The following ZDHHC3 variants were observed in gnomAD, a reference collection of about 807,000 sequenced individuals.
ZDHHC3 encodes palmitoyltransferase ZDHHC3.
Under a neutral mutation model 30.6 loss-of-function variants are expected in ZDHHC3, and 9 were observed. That is an observed-to-expected ratio of 0.29 (90% CI 0.18 to 0.51). ZDHHC3 has a LOEUF of 0.51. Ranked by LOEUF, ZDHHC3 falls within the 20% of genes least tolerant of loss-of-function variation. The pLI is 0.97. For synonymous variants in ZDHHC3, 136 were observed against 140.2 expected (o/e 0.97, Z 0.21); for missense variants, 246 against 384.2 (o/e 0.64, Z 3.01).
chr3:44,931,891 A>G (rs953085225), intron 5 of ZDHHC3, among the ~76,000 whole-genome samples: 7 of 152,184 alleles, frequency 4.6e-5, no homozygotes, highest in Admixed American at 4.6e-4. Context: ...CAGGCTTGTT[A>G]TAAGGGCGAA....
intron 3 of ZDHHC3, among the ~76,000 whole-genome samples, chr3:44,941,140 A>C (rs556318724): frequency 1.3e-5 from 2 of 152,338 alleles, no homozygotes; most frequent in South Asian, 4.1e-4. Flanking sequence ...GAGTTCAACT[A>C]CATCAGACTG....
At chr3:44,934,130 G>A (rs1701737126) in intron 3 of ZDHHC3, 146 bp from the exon 4 acceptor site, 13 of 767,898 alleles carry the variant, frequency 1.7e-5, no homozygotes, top group Non-Finnish European at 2.5e-5. Flanking sequence ...TGTGTGTCAC[G>A]TGGGGCTTGG....
chr3:44,926,537 T>TC lies in ZDHHC3; in HGVS notation c.*151dup. 1 of 1,257,636 alleles carries TC rather than the reference T, an allele frequency of 8.0e-7. No homozygotes were observed. Among genetic ancestry groups the TC allele is most frequent in the Non-Finnish European group, 1.0e-6 (1 of 998,106 alleles). The allele number at this position is 1,257,636 out of a possible 1,614,324, so 77.9% of individuals were successfully genotyped here. ...AATAAAATGTGGGGACTTTTTTTTT[T>TC]CTCTGCAATGCTCAGCCATTTTACT... On this transcript the variant is annotated 3_prime_UTR_variant, in exon 7 of 7. Coordinates refer to ENST00000424952, the MANE Select transcript of ZDHHC3 (RefSeq NM_001135179.2).
At chr3:44,947,693 T>A (rs1048463894) in intron 2 of ZDHHC3, among the ~76,000 whole-genome samples, 4 of 152,218 alleles carry the variant, frequency 2.6e-5, no homozygotes, top group Admixed American at 2.0e-4. Flanking sequence ...CCAGGGAGTA[T>A]GGCCCTGACT....
chr3:44,929,253 T>C, intron 6 of ZDHHC3, 53 bp downstream of exon 6: 3 of 1,601,966 alleles, frequency 1.9e-6, no homozygotes, highest in Non-Finnish European at 2.6e-6. Context: ...ACACTGACCC[T>C]GGGTCCTCCC....
chr3:44,963,088 C>T (rs1427739048), intron 1 of ZDHHC3, among the ~76,000 whole-genome samples: 1 of 152,168 alleles, frequency 6.6e-6, no homozygotes, highest in Non-Finnish European at 1.5e-5. Context: ...GCACTGTCTG[C>T]TTAGTTTCAG....
At chr3:44,951,691 C>G (rs1023876956) in intron 2 of ZDHHC3, among the ~76,000 whole-genome samples, 1 of 152,170 alleles carries the variant, frequency 6.6e-6, no homozygotes, top group Non-Finnish European at 1.5e-5. Context: ...AGCTAAGCTG[C>G]TTGAAGCCTT....
rs1482206670 is a variant in ZDHHC3 at position 44,919,260 on chromosome 3, C to T, written c.*7429G>A. ...ACATCACAATAATGAAACGTATCAA[C>T]ACCATATGCCTCCTGATACGGTGCA... is the stretch of plus-strand genomic sequence containing the variant. On this transcript the variant is annotated 3_prime_UTR_variant, in exon 7 of 7. Transcript: ENST00000424952. The T allele has an allele frequency of 3.3e-5, 9 of 271,524 alleles. No homozygotes were observed. Among genetic ancestry groups the T allele is most frequent in the Admixed American group, 6.5e-5 (1 of 15,396 alleles). 16.8% of individuals were successfully genotyped at this position (271,524 alleles called of 1,614,324 possible).
intron 3 of ZDHHC3, 81 bp downstream of exon 3, chr3:44,945,087 A>G (rs1702797032): frequency 6.3e-7 from 1 of 1,596,912 alleles, no homozygotes; most frequent in Non-Finnish European, 8.6e-7. Flanking sequence ...AGTGTGTGCT[A>G]CTCCAGGAGG....
intron 1 of ZDHHC3, among the ~76,000 whole-genome samples, chr3:44,966,879 G>T (rs1466160200): frequency 2.6e-5 from 4 of 152,186 alleles, no homozygotes; most frequent in African/African-American, 4.8e-5. Flanking sequence ...AAAGGTAAGG[G>T]TGTGGTATGA....
At chr3:44,966,914 A>G (rs1477489953) in intron 1 of ZDHHC3, among the ~76,000 whole-genome samples, 1 of 152,196 alleles carries the variant, frequency 6.6e-6, no homozygotes, top group Non-Finnish European at 1.5e-5. Context: ...AAGGTGCCTT[A>G]TCTTCTGCGG....
chr3:44,925,977 C>T lies in ZDHHC3; in HGVS notation c.*712G>A, dbSNP rs1229905950. ...TTGAACTGGAAAAACGTCTTTCCTA[C>T]ACACTCTTCCAAATAATCACAGGGA... On this transcript the variant is annotated 3_prime_UTR_variant, in exon 7 of 7. Transcript: ENST00000424952. The T allele has an allele frequency of 1.0e-6, 1 of 985,790 alleles. No individual in the cohort carries two copies. Among genetic ancestry groups the T allele is most frequent in the African/African-American group, 1.7e-5 (1 of 57,332 alleles). 61.1% of individuals were successfully genotyped at this position (985,790 alleles called of 1,614,324 possible). A position where few individuals can be genotyped will look rare whatever the true frequency, so the allele number is the denominator to read the frequency against.
chr3:44,932,810 C>T (rs2125825306), intron 5 of ZDHHC3: 1 of 1,111,436 alleles, frequency 9.0e-7, no homozygotes, highest in East Asian at 2.4e-5. Flanking sequence ...AGCATGGCTC[C>T]CACGCATTGG....
intron 1 of ZDHHC3, among the ~76,000 whole-genome samples, chr3:44,966,550 G>A (rs553547910): frequency 1.3e-5 from 2 of 152,270 alleles, no homozygotes; most frequent in South Asian, 4.2e-4. Flanking sequence ...AAATCGTACA[G>A]TCTTAAAAAT....
intron 1 of ZDHHC3, among the ~76,000 whole-genome samples, 152 bp downstream of exon 1, chr3:44,975,781 C>T (rs949986942): frequency 6.6e-6 from 1 of 151,146 alleles, no homozygotes; most frequent in African/African-American, 2.4e-5. Context: ...CTCACACACA[C>T]ACACACACAC....
At position 44,954,647 on chromosome 3, in the gene ZDHHC3, G is replaced by A. The variant is rs528507562; in HGVS notation, c.306+4484C>T. On this transcript the variant is annotated intron_variant, in intron 2 of 6. Coordinates refer to ENST00000424952, the MANE Select transcript of ZDHHC3 (RefSeq NM_001135179.2). ...GAAATAATTTATGAAGTTAATAAAC[G>A]ATAAGATCCAAAAAAGGAGGGGCAA... is the stretch of plus-strand genomic sequence containing the variant. Among the ~76,000 whole-genome samples, 13 of 152,194 alleles carry A rather than the reference G, an allele frequency of 8.5e-5. No homozygotes were observed. The South Asian group carries it at 2.7e-3, about 32-fold the overall frequency.
In ZDHHC3 at chr3:44,919,823, TG is replaced by T. The variant is rs1575747898; in HGVS notation, c.*6865del. On this transcript the variant is annotated 3_prime_UTR_variant, in exon 7 of 7. Coordinates refer to ENST00000424952, the MANE Select transcript of ZDHHC3 (RefSeq NM_001135179.2). Reference sequence around the variant, plus strand: ...CTTTGTACTGTTTTTGTCACATTTTTGTAAGTCTGATTTCACAAAAAGTTTA... The same window carrying T: ...CTTTGTACTGTTTTTGTCACATTTTTTAAGTCTGATTTCACAAAAAGTTTA... 3.1e-6 allele frequency: 3 copies of T among 955,078 alleles called. No homozygotes were observed. The highest frequency in any genetic ancestry group is 3.7e-6 in the Non-Finnish European group (3 of 802,318). The allele number at this position is 955,078 out of a possible 1,614,324, so 59.2% of individuals were successfully genotyped here.
In ZDHHC3 at chr3:44,917,268, C is replaced by CGG; in HGVS notation, c.*9420_*9421insCC. The CGG allele has an allele frequency of 1.9e-5, 3 of 155,114 alleles. No homozygotes were observed. Among genetic ancestry groups the CGG allele is most frequent in the Admixed American group, 6.2e-5 (1 of 16,192 alleles). 9.6% of individuals were successfully genotyped at this position (155,114 alleles called of 1,614,324 possible). ...GTGTGTGTAGAGCTTAATGCAGGGT[C>CGG]CTCTTTGAACCATGCCTGGCCCTTG... On this transcript the variant is annotated 3_prime_UTR_variant, in exon 7 of 7. Coordinates refer to ENST00000424952, the MANE Select transcript of ZDHHC3 (RefSeq NM_001135179.2).
At chr3:44,943,544 C>T (rs1478541582) in intron 3 of ZDHHC3, among the ~76,000 whole-genome samples, 10 of 152,246 alleles carry the variant, frequency 6.6e-5, no homozygotes, top group African/African-American at 1.9e-4. Context: ...CAGAAATCGC[C>T]GTTCAGATCT....
Sources: gnomAD v4.1 joint callset for allele counts (sites outside exome capture counted in the v4.1 genomes callset) on GRCh38, gnomAD v4.1.1 for gene constraint, MANE v1.5 for transcripts, NCBI Gene and HGNC (gene_info 2026-07-23, HGNC 2026-07-21) for gene names.